The following RBFOX1 variants were observed in gnomAD, a reference collection of about 807,000 sequenced individuals.
The protein encoded by RBFOX1 is RNA binding protein fox-1 homolog 1.
Under a neutral mutation model 57.7 loss-of-function variants are expected in RBFOX1, and 8 were observed. The observed-to-expected ratio is 0.14, with a 90% CI of 0.08 to 0.25. The LOEUF is 0.25. Among genes scored for constraint, RBFOX1 ranks in the 10% least tolerant of loss-of-function variants. RBFOX1 has a pLI of 1.00. For synonymous variants in RBFOX1, 326 were observed against 222.4 expected, an observed-to-expected ratio of 1.47 and a Z score of -4.15; for missense variants, 611 against 548.5, an observed-to-expected ratio of 1.11 and a Z score of -1.14.
chr16:7,358,717 G>A (rs1478845686), intron 4 of RBFOX1, among the ~76,000 whole-genome samples: 2 of 152,210 alleles, frequency 1.3e-5, no homozygotes, highest in South Asian at 2.1e-4. Context: ...ACTGCGCCCA[G>A]TCTCTTAAGT....
Position 5,265,908 on chromosome 16 carries a change from A to G in RBFOX1, c.219+25803A>G, listed in dbSNP as rs138276695. Among the ~76,000 whole-genome samples, 350 of 152,260 alleles carry G rather than the reference A, an allele frequency of 2.3e-3. 4 individuals carry two copies. The highest frequency in any genetic ancestry group is 8.2e-3 in the African/African-American group (339 of 41,542). ...GTGTATACCTGTGTGGGTGTGTACAAAATTCCCATGTGAATCTCAGCTTTG... is the reference window on the plus strand; with the variant it reads ...GTGTATACCTGTGTGGGTGTGTACAGAATTCCCATGTGAATCTCAGCTTTG... On this transcript the variant is annotated intron_variant, in intron 1 of 2. Transcript: ENST00000585867.
At chr16:6,397,126 G>T (rs917328430) in intron 2 of RBFOX1, among the ~76,000 whole-genome samples, 1 of 152,264 alleles carries the variant, frequency 6.6e-6, no homozygotes, top group South Asian at 2.1e-4. Context: ...AGAAGATAAT[G>T]CATAAGTAAT....
chr16:6,252,980 C>T (rs190632759), intron 1 of RBFOX1, among the ~76,000 whole-genome samples: 14 of 152,234 alleles, frequency 9.2e-5, no homozygotes, highest in African/African-American at 2.6e-4. Context: ...ATGCTTTCTT[C>T]GTAATATCTC....
chr16:5,428,942 C>T (rs572575353), intron 1 of RBFOX1, among the ~76,000 whole-genome samples: 2 of 152,132 alleles, frequency 1.3e-5, no homozygotes, highest in Non-Finnish European at 2.9e-5. Flanking sequence ...TGGCTTGTCT[C>T]GATGTGAGCA....
At chr16:5,875,251 CTG>C (rs1336087251) in intron 4 of RBFOX1, among the ~76,000 whole-genome samples, 1 of 152,118 alleles carries the variant, frequency 6.6e-6, no homozygotes, top group East Asian at 1.9e-4. Flanking sequence ...GACAAAAAAA[CTG>C]AGATGTGGAG....
intron 2 of RBFOX1, among the ~76,000 whole-genome samples, chr16:6,453,789 T>C (rs1035384275): frequency 2.0e-5 from 3 of 152,170 alleles, no homozygotes; most frequent in Non-Finnish European, 4.4e-5. Flanking sequence ...ATTCAGTGCC[T>C]CACTGGGACT....
At chr16:6,611,359 C>G (rs1198426281) in intron 2 of RBFOX1, among the ~76,000 whole-genome samples, 2 of 152,254 alleles carry the variant, frequency 1.3e-5, no homozygotes, top group East Asian at 1.9e-4. Context: ...GTTGGCCAGG[C>G]TGATCTCAAA....
At chr16:5,520,217 G>A (rs1344778175) in intron 2 of RBFOX1, among the ~76,000 whole-genome samples, 1 of 152,124 alleles carries the variant, frequency 6.6e-6, no homozygotes, top group Non-Finnish European at 1.5e-5. Context: ...GGGAGAGTGT[G>A]GGGCTGTTTC....
intron 3 of RBFOX1, among the ~76,000 whole-genome samples, chr16:6,908,646 C>G (rs1016412075): frequency 2.0e-5 from 3 of 152,160 alleles, no homozygotes; most frequent in Non-Finnish European, 2.9e-5. Context: ...CCTATTTCTT[C>G]CAGAATATGG....
Position 5,463,690 on chromosome 16 carries a change from C to T in RBFOX1, c.220-3526C>T, listed in dbSNP as rs149716202. Among the ~76,000 whole-genome samples the T allele has an allele frequency of 2.3e-3, 355 of 151,708 alleles. 4 individuals are homozygous for T. Among genetic ancestry groups the T allele is most frequent in the African/African-American group, 8.0e-3 (330 of 41,364 alleles). Reference sequence around the variant, plus strand: ...TGACACACAACTGTAATCCCAGCTACTCGGGAGGCTGAGGCAGGAGAATCG... The same window carrying T: ...TGACACACAACTGTAATCCCAGCTATTCGGGAGGCTGAGGCAGGAGAATCG... On this transcript the variant is annotated intron_variant, in intron 1 of 2. Transcript: ENST00000585867.
At chr16:6,333,426 T>C (rs1396662606) in intron 2 of RBFOX1, among the ~76,000 whole-genome samples, 2 of 152,210 alleles carry the variant, frequency 1.3e-5, no homozygotes, top group Non-Finnish European at 2.9e-5. Context: ...GTTGTTTTAG[T>C]CCTGAGATTT....
intron 3 of RBFOX1, among the ~76,000 whole-genome samples, chr16:5,823,425 G>A (rs979664463): frequency 2.0e-5 from 3 of 152,136 alleles, no homozygotes; most frequent in African/African-American, 4.8e-5. Context: ...GTGTTCTATT[G>A]AGGGAATAGT....
rs536337764 is a variant in RBFOX1 at position 7,318,476 on chromosome 16, C to A, written c.28-199671C>A. ...AGATTTGGTTCAAGTCTACCACTTACCACCTTTGCACCGTTGGGCAAATTA... is the reference window on the plus strand; with the variant it reads ...AGATTTGGTTCAAGTCTACCACTTAACACCTTTGCACCGTTGGGCAAATTA... On this transcript the variant is annotated intron_variant, in intron 4 of 15. Transcript: ENST00000550418. Among the ~76,000 whole-genome samples, 6 of 152,212 alleles carry A rather than the reference C, an allele frequency of 3.9e-5. No homozygotes were observed. In the South Asian group the frequency reaches 8.3e-4, roughly 21 times the overall value.
At chr16:7,152,161 C>A (rs1042842219) in intron 4 of RBFOX1, among the ~76,000 whole-genome samples, 2 of 152,146 alleles carry the variant, frequency 1.3e-5, no homozygotes, top group African/African-American at 4.8e-5. Flanking sequence ...CACATCCTCA[C>A]CCCTGAGCTG....
At chr16:7,481,344 G>T (rs2063891158) in intron 4 of RBFOX1, among the ~76,000 whole-genome samples, 2 of 152,166 alleles carry the variant, frequency 1.3e-5, no homozygotes, top group African/African-American at 4.8e-5. Context: ...TGTAGATATT[G>T]CTGTAGAATG....
At chr16:7,454,261 C>G (rs971441025) in intron 4 of RBFOX1, among the ~76,000 whole-genome samples, 9 of 152,084 alleles carry the variant, frequency 5.9e-5, no homozygotes, top group Non-Finnish European at 1.3e-4. Flanking sequence ...AAAGTCATAG[C>G]CAATGTCTTC....
At chr16:7,087,383 A>G (rs556836577) in intron 4 of RBFOX1, among the ~76,000 whole-genome samples, 15 of 152,274 alleles carry the variant, frequency 9.9e-5, no homozygotes, top group African/African-American at 3.6e-4. Context: ...GATGATCAAC[A>G]CCATCGCTAG....
At chr16:7,500,605 A>G (rs2070430738) in intron 4 of RBFOX1, among the ~76,000 whole-genome samples, 2 of 152,194 alleles carry the variant, frequency 1.3e-5, no homozygotes, top group African/African-American at 4.8e-5. Context: ...AAATACCTCT[A>G]GGGTTCATAT....
chr16:5,320,835 C>A (rs2064381578), intron 1 of RBFOX1, among the ~76,000 whole-genome samples: 1 of 152,132 alleles, frequency 6.6e-6, no homozygotes, highest in Non-Finnish European at 1.5e-5. Flanking sequence ...AAGCCCTAGG[C>A]ACGAGGGGGT....
Sources: gnomAD v4.1 joint callset for allele counts (sites outside exome capture counted in the v4.1 genomes callset) on GRCh38, gnomAD v4.1.1 for gene constraint, MANE v1.5 for transcripts, NCBI Gene and HGNC (gene_info 2026-07-23, HGNC 2026-07-21) for gene names.